The following CLCNKB variants were observed in gnomAD, a reference collection of about 807,000 sequenced individuals.
The protein encoded by CLCNKB is chloride channel protein ClC-Kb.
CLCNKB carries 74 observed loss-of-function variants against 83.8 expected under a neutral mutation model. The observed-to-expected ratio is 0.88, with a 90% CI of 0.73 to 1.07. The LOEUF (loss-of-function observed/expected upper bound fraction) is 1.07. Ranked by LOEUF, CLCNKB falls within the 50% of genes least tolerant of loss-of-function variation. CLCNKB has a pLI of 0.00. For missense variants in CLCNKB, 798 were observed against 893.6 expected (o/e 0.89, Z 1.36); for synonymous variants, 358 against 356.6 (o/e 1.00, Z -0.04).
intron 17 of CLCNKB, 49 bp from the exon 18 acceptor site, chr1:16,055,626 G>T (rs1315317477): frequency 6.2e-7 from 1 of 1,603,346 alleles, no homozygotes; most frequent in East Asian, 2.2e-5. Context: ...TCAGAGAGAG[G>T]CATCCTGGGG....
At chr1:16,044,429 G>A in intron 1 of CLCNKB, 57 bp from the exon 2 acceptor site, 1 of 1,406,218 alleles carries the variant, frequency 7.1e-7, no homozygotes, top group Non-Finnish European at 9.9e-7. Context: ...GGGCCTAGAG[G>A]CAGTGCGAGG....
chr1:16,046,936 A>G (rs1285514556), intron 4 of CLCNKB, among the ~76,000 whole-genome samples: 1 of 152,130 alleles, frequency 6.6e-6, no homozygotes, highest in Non-Finnish European at 1.5e-5. Flanking sequence ...GGGAGGGGCC[A>G]GTGGAGGAGG....
At chr1:16,045,045 G>A (rs2023060010) in intron 2 of CLCNKB, among the ~76,000 whole-genome samples, 1 of 152,198 alleles carries the variant, frequency 6.6e-6, no homozygotes. Context: ...CACAGAAGGA[G>A]GCTGACTGCA....
chr1:16,054,988 C>G (rs1453493411), intron 16 of CLCNKB, among the ~76,000 whole-genome samples: 1 of 152,212 alleles, frequency 6.6e-6, no homozygotes, highest in African/African-American at 2.4e-5. Context: ...GTGAAGTTGC[C>G]AAGGCCCCAG....
intron 17 of CLCNKB, 30 bp from the exon 18 acceptor site, chr1:16,055,645 C>T (rs748112808): frequency 3.1e-6 from 5 of 1,611,786 alleles, no homozygotes; most frequent in Non-Finnish European, 4.2e-6. Context: ...GGAGGCCAGC[C>T]CTGCACCTGT....
chr1:16,056,562 G>A (rs2023447936), intron 19 of CLCNKB, 54 bp downstream of exon 19: 2 of 1,208,704 alleles, frequency 1.7e-6, no homozygotes, highest in Non-Finnish European at 2.4e-6. Context: ...TGAGAAGACT[G>A]GGGAGGTGGG....
chr1:16,048,177 G>C, intron 5 of CLCNKB, 133 bp downstream of exon 5: 1 of 1,449,210 alleles, frequency 6.9e-7, no homozygotes, highest in Non-Finnish European at 9.5e-7. Flanking sequence ...TCAGTCTTGG[G>C]GGAAGAGGCA....
At position 16,049,921 on chromosome 1, in the gene CLCNKB, G is replaced by T; in HGVS notation, c.968+5G>T. 6.2e-7 allele frequency: 1 copy of T among 1,612,818 alleles called. No individual in the cohort carries two copies. The highest frequency in any genetic ancestry group is 1.1e-5 in the South Asian group (1 of 91,052). Reference sequence around the variant, plus strand: ...CTCCAAACTGCTGGCCACCAGGTAGGCTCCGGGCTAAGGGCTGGGGACCTC... The same window carrying T: ...CTCCAAACTGCTGGCCACCAGGTAGTCTCCGGGCTAAGGGCTGGGGACCTC... On this transcript the variant is annotated splice_donor_5th_base_variant and intron_variant, in intron 10 of 19. Coordinates refer to ENST00000375679, the MANE Select transcript of CLCNKB (RefSeq NM_000085.5).
At position 16,048,027 on chromosome 1, in the gene CLCNKB, C is replaced by A. The variant is rs1398140225; in HGVS notation, c.481C>A (p.Leu161Ile). The A allele has an allele frequency of 2.5e-5, 40 of 1,613,956 alleles. No homozygotes were observed. The highest frequency in any genetic ancestry group is 3.4e-5 in the Non-Finnish European group (40 of 1,179,952). ...CTGCACCCTGGCCTGTGGCAGCACC[C>A]TCTTCCTCGGGAAAGTGGTATGGGC... ...LSCTLACGST[L>I]FLGKVGPFVH... Residue 161 changes from leucine (L) to isoleucine (I), a missense_variant, in exon 5 of 20, where the codon CTC becomes ATC. Physicochemically the swap from Leu to Ile is conservative, Grantham distance 5. Coordinates refer to ENST00000375679, the MANE Select transcript of CLCNKB (RefSeq NM_000085.5).
Position 16,053,549 on chromosome 1 carries a change from G to A in CLCNKB, c.1623-90G>A, listed in dbSNP as rs144058538. The A allele has an allele frequency of 5.2e-3, 8,301 of 1,594,084 alleles. 115 individuals are homozygous for A. The highest frequency in any genetic ancestry group is 0.045 in the African/African-American group (3,362 of 74,486). On this transcript the variant is annotated intron_variant, in intron 15 of 19. Transcript: ENST00000375679. The stretch of plus-strand genomic sequence containing the variant: ...CCACACTCCAGAGCCGTGGGTCCCC[G>A]GTTCAAGCAAAGCTCCCCACAGATC...
In CLCNKB at chr1:16,051,673, T is replaced by A. The variant is rs747256195; in HGVS notation, c.1298-37T>A. The A allele has an allele frequency of 2.5e-6, 4 of 1,604,724 alleles. 1 individual carries two copies. The South Asian group carries it at 4.4e-5, about 18-fold the overall frequency. On this transcript the variant is annotated intron_variant, in intron 13 of 19. Transcript: ENST00000375679. ...GGGATGGAGGGCTGTGGGGGCCGGG[T>A]CAGCCTGGCTCCCCCTCACCCTAAG...
In CLCNKB at chr1:16,048,389, G is replaced by T. The variant is rs760971956; in HGVS notation, c.545G>T (p.Arg182Leu). 3.7e-6 allele frequency: 6 copies of T among 1,614,020 alleles called. No homozygotes were observed. Among genetic ancestry groups the T allele is most frequent in the Non-Finnish European group, 5.1e-6 (6 of 1,180,000 alleles). Residue 182 changes from arginine (R) to leucine (L), a missense_variant, in exon 6 of 20, where the codon CGT (arginine) becomes CTT (leucine). By Grantham distance (102) the Arg-to-Leu change is moderately radical. Transcript: ENST00000375679. ...LSVMMAAYLG[R>L]VRTTTIGEPE... ...GTGATGATGGCTGCCTACCTGGGCC[G>T]TGTGCGCACCACGACCATCGGGGAG...
At chr1:16,051,375 C>G in intron 12 of CLCNKB, 103 bp from the exon 13 acceptor site, 1 of 1,441,890 alleles carries the variant, frequency 6.9e-7, no homozygotes, top group South Asian at 1.1e-5. Flanking sequence ...GGCCGGCACC[C>G]TCTTTCTCTC....
Position 16,052,189 on chromosome 1 carries a change from C to G in CLCNKB, c.1409-9C>G. ...GCCTGAGCTGCCCTGCCTGACTCTG[C>G]CCTTGCAGGGGCTGCAGCCTTCTCA... On this transcript the variant is annotated splice_polypyrimidine_tract_variant and intron_variant, in intron 14 of 19. Coordinates refer to ENST00000375679, the MANE Select transcript of CLCNKB (RefSeq NM_000085.5). The G allele has an allele frequency of 6.2e-7, 1 of 1,612,780 alleles. No homozygotes were observed. The highest frequency in any genetic ancestry group is 8.5e-7 in the Non-Finnish European group (1 of 1,179,910).
In CLCNKB at chr1:16,050,958, C is replaced by T. The variant is rs369375366; in HGVS notation, c.1137C>T (p.Pro379=). The change falls in exon 12 of 20, where the codon CCC becomes CCT. Residue 379 remains proline, a synonymous_variant. Coordinates refer to ENST00000375679, the MANE Select transcript of CLCNKB (RefSeq NM_000085.5). ...LMTQNSSPPW[P]EELDPQHLWW... is the part of the protein sequence containing the mutation. Reference sequence around the variant, plus strand: ...CCCAGAACTCCAGCCCACCCTGGCCCGAGGAGCTCGACCCCCAGCACCTGT... The same window carrying T: ...CCCAGAACTCCAGCCCACCCTGGCCTGAGGAGCTCGACCCCCAGCACCTGT... 63 of 1,613,840 alleles carry T rather than the reference C, an allele frequency of 3.9e-5. No homozygotes were observed. The highest frequency in any genetic ancestry group is 4.9e-5 in the Non-Finnish European group (58 of 1,179,954).
intron 4 of CLCNKB, 93 bp from the exon 5 acceptor site, chr1:16,047,812 C>A (rs765921260): frequency 2.1e-6 from 3 of 1,408,886 alleles, no homozygotes; most frequent in Non-Finnish European, 3.0e-6. Flanking sequence ...GCTGATCTGG[C>A]GAGATCGTAA....
chr1:16,050,782 A>G (rs1214238079), intron 11 of CLCNKB, 93 bp from the exon 12 acceptor site: 55 of 1,587,654 alleles, frequency 3.5e-5, no homozygotes, highest in East Asian at 9.1e-5. Flanking sequence ...GAAGTGGCAG[A>G]GGAGGATTCC....
At chr1:16,048,797 A>G in intron 7 of CLCNKB, 2 of 1,449,164 alleles carry the variant, frequency 1.4e-6, no homozygotes, top group Non-Finnish European at 1.8e-6. Flanking sequence ...GTAACATTAT[A>G]CAGACTTGGG....
intron 1 of CLCNKB, among the ~76,000 whole-genome samples, 151 bp from the exon 2 acceptor site, chr1:16,044,335 A>G (rs1277752783): frequency 1.4e-5 from 2 of 138,890 alleles, no homozygotes; most frequent in Non-Finnish European, 3.2e-5. Context: ...GCACACACAG[A>G]CCTAGTGTGA....
Sources: gnomAD v4.1 joint callset for allele counts (sites outside exome capture counted in the v4.1 genomes callset) on GRCh38, gnomAD v4.1.1 for gene constraint, MANE v1.5 for transcripts, NCBI Gene and HGNC (gene_info 2026-07-23, HGNC 2026-07-21) for gene names.